Variants in ARHGEF7 observed in about 807,000 individuals in gnomAD.
ARHGEF7 encodes the protein Rho guanine nucleotide exchange factor 7, also known as PAK-interacting exchange factor beta.
ARHGEF7 carries 33 observed loss-of-function variants against 109.8 expected under a neutral mutation model. The ratio of observed to expected loss-of-function variants is 0.30; its 90% CI spans 0.23 to 0.40. The LOEUF (loss-of-function observed/expected upper bound fraction) is 0.40, where lower values mean the gene tolerates loss of function less well. Among genes scored for constraint, ARHGEF7 ranks in the 10% least tolerant of loss-of-function variants. The pLI is 1.00. For synonymous variants in ARHGEF7, 458 were observed against 424.6 expected (o/e 1.08, Z -0.97); for missense variants, 938 against 1,098.5 (o/e 0.85, Z 2.07).
intron 1 of ARHGEF7, among the ~76,000 whole-genome samples, chr13:111,133,763 T>TATA (rs1299591434): frequency 4.1e-4 from 3 of 7,378 alleles, no homozygotes; most frequent in Non-Finnish European, 5.1e-4. Context: ...CTGCTTTTCT[T>TATA]TATATATATA....
intron 5 of ARHGEF7, among the ~76,000 whole-genome samples, chr13:111,226,335 C>G (rs1211913034): frequency 6.6e-6 from 1 of 152,214 alleles, no homozygotes; most frequent in African/African-American, 2.4e-5. Context: ...AGCAAGTCAT[C>G]CAGAAGATCT....
chr13:111,283,426 G>A, intron 16 of ARHGEF7, 63 bp downstream of exon 16: 2 of 1,515,820 alleles, frequency 1.3e-6, no homozygotes, highest in Non-Finnish European at 1.8e-6. Context: ...CCCTGGGTGT[G>A]CCCACGTGCT....
chr13:111,293,945 T>A, intron 19 of ARHGEF7: 14 of 985,438 alleles, frequency 1.4e-5, no homozygotes, highest in African/African-American at 1.7e-5. Context: ...GTTGGGTGGC[T>A]TCATTCAGCA....
chr13:111,157,111 A>G (rs1317398068), intron 2 of ARHGEF7, among the ~76,000 whole-genome samples: 2 of 152,190 alleles, frequency 1.3e-5, no homozygotes, highest in African/African-American at 2.4e-5. Flanking sequence ...ATATTTTTAT[A>G]AATTGGTTTT....
chr13:111,283,115 C>T, intron 15 of ARHGEF7, 24 bp from the exon 16 acceptor site: 2 of 1,563,476 alleles, frequency 1.3e-6, no homozygotes, highest in Non-Finnish European at 1.7e-6. Flanking sequence ...GTTCTCTGCC[C>T]TTCCCGCTCT....
intron 6 of ARHGEF7, 80 bp from the exon 7 acceptor site, chr13:111,243,792 T>C: frequency 1.2e-6 from 1 of 863,416 alleles, no homozygotes; most frequent in Non-Finnish European, 1.8e-6. Flanking sequence ...ACAATGGCGA[T>C]GAACTGTCCA....
chr13:111,294,372 C>G (rs2093376744), intron 19 of ARHGEF7: 15 of 985,312 alleles, frequency 1.5e-5, no homozygotes, highest in Non-Finnish European at 1.7e-5. Flanking sequence ...GTGTAGACCA[C>G]AACACTCAAA....
At chr13:111,214,863 AGAT>A (rs1233859535) in intron 4 of ARHGEF7, among the ~76,000 whole-genome samples, 19 of 93,490 alleles carry the variant, frequency 2.0e-4, no homozygotes, top group African/African-American at 6.7e-4. Context: ...ACATTTAAAT[AGAT>A]AAGTATTAAA....
chr13:111,206,286 T>G (rs1274028891), intron 3 of ARHGEF7, among the ~76,000 whole-genome samples: 5 of 151,910 alleles, frequency 3.3e-5, no homozygotes, highest in Non-Finnish European at 7.4e-5. Context: ...GGGTTATGCA[T>G]GCTTTGGGGC....
At chr13:111,243,338 A>C (rs1311657948) in intron 6 of ARHGEF7, among the ~76,000 whole-genome samples, 1 of 152,240 alleles carries the variant, frequency 6.6e-6, no homozygotes, top group African/African-American at 2.4e-5. Flanking sequence ...TACCCAAATC[A>C]AAATACAGAA....
chr13:111,116,245 C>T (rs1477471058), intron 1 of ARHGEF7: 1 of 152,714 alleles, frequency 6.5e-6, no homozygotes, highest in African/African-American at 2.4e-5. Context: ...CCCACCTATC[C>T]GAGCCGAGAG....
rs546705303 is a variant in ARHGEF7 at position 111,229,747 on chromosome 13, G to C, written c.671-3458G>C. Among the ~76,000 whole-genome samples, 37 of 152,252 alleles carry C rather than the reference G, an allele frequency of 2.4e-4. No individual in the cohort carries two copies. The South Asian group carries it at 3.7e-3, about 15-fold the overall frequency. Reference sequence around the variant, plus strand: ...AGAGAGGAGTAACATTTGCTTCTTAGGGGTTCCCGGAGACTTTTTTGTCCC... The same window carrying C: ...AGAGAGGAGTAACATTTGCTTCTTACGGGTTCCCGGAGACTTTTTTGTCCC... On this transcript the variant is annotated intron_variant, in intron 5 of 21. Transcript: ENST00000646102.
intron 2 of ARHGEF7, among the ~76,000 whole-genome samples, chr13:111,172,303 C>G (rs545063904): frequency 6.6e-6 from 1 of 150,900 alleles, no homozygotes; most frequent in Non-Finnish European, 1.5e-5. Context: ...TATCCCTAAA[C>G]GAAATAAATT....
At chr13:111,265,950 C>T (rs1418222636) in intron 8 of ARHGEF7, among the ~76,000 whole-genome samples, 6 of 152,210 alleles carry the variant, frequency 3.9e-5, no homozygotes, top group Admixed American at 2.0e-4. Flanking sequence ...GGACTGAGGC[C>T]GTGTGCTTAT....
chr13:111,166,382 A>G (rs1182138981), intron 2 of ARHGEF7, among the ~76,000 whole-genome samples: 3 of 152,114 alleles, frequency 2.0e-5, no homozygotes, highest in Non-Finnish European at 4.4e-5. Flanking sequence ...GTGTTTGGGC[A>G]GAGGGGAGAA....
At chr13:111,232,957 C>T (rs1036665919) in intron 5 of ARHGEF7, among the ~76,000 whole-genome samples, 3 of 152,178 alleles carry the variant, frequency 2.0e-5, no homozygotes, top group Admixed American at 6.5e-5. Context: ...GTCTCTTAGA[C>T]GCCTTCAACT....
rs753131820 is a variant in ARHGEF7, at chr13:111,273,177, C to T, written c.1074-637C>T. 2.0e-5 allele frequency among the ~76,000 whole-genome samples: 3 copies of T among 152,198 alleles called. No individual in the cohort carries two copies. Among genetic ancestry groups the T allele is most frequent in the Admixed American group, 6.5e-5 (1 of 15,280 alleles). On this transcript the variant is annotated intron_variant, in intron 9 of 21. Transcript: ENST00000646102. This position sits in a 1 kb window ranked among gnomAD's most constrained non-coding sequence, Gnocchi z 4.5. Reference sequence around the variant, plus strand: ...AAGTTCTAAAGCGTAAATCAACATTCGCTGTCTGCACACAGGGACCCCTTT... The same window carrying T: ...AAGTTCTAAAGCGTAAATCAACATTTGCTGTCTGCACACAGGGACCCCTTT...
At chr13:111,245,749 C>T (rs982910290) in intron 8 of ARHGEF7, among the ~76,000 whole-genome samples, 16 of 152,324 alleles carry the variant, frequency 1.1e-4, no homozygotes, top group African/African-American at 1.4e-4. Context: ...CACTGCTTTA[C>T]GACTTACTTT....
intron 19 of ARHGEF7, chr13:111,292,642 T>A (rs1402481783): frequency 1.6e-5 from 19 of 1,157,700 alleles, no homozygotes; most frequent in Non-Finnish European, 2.0e-5. Flanking sequence ...TTGATTTCTT[T>A]CTGGATACAG....
Sources: allele counts gnomAD v4.1 joint callset (sites outside exome capture counted in the v4.1 genomes callset), GRCh38; gene constraint gnomAD v4.1.1; non-coding constraint Gnocchi (gnomAD v3.1); transcripts MANE v1.5; gene names NCBI Gene and HGNC (gene_info 2026-07-23, HGNC 2026-07-21).